SLC35F4: variants seen among roughly 807,000 people sequenced by gnomAD.
SLC35F4 encodes solute carrier family 35 member F4, also known as chromosome 14 open reading frame 36.
Under a neutral mutation model 44.2 loss-of-function variants are expected in SLC35F4, and 24 were observed. The ratio of observed to expected loss-of-function variants is 0.54; its 90% CI spans 0.39 to 0.76. The LOEUF is 0.76. Ranked by LOEUF, SLC35F4 falls within the 30% of genes least tolerant of loss-of-function variation. The probability of loss-of-function intolerance (pLI) is 0.00; values close to 1 mark genes in which losing one functional copy is unlikely to be tolerated. For missense variants in SLC35F4, 562 were observed against 586.1 expected (o/e 0.96, Z 0.42); for synonymous variants, 238 against 223.6 (o/e 1.06, Z -0.57).
chr14:57,782,702 T>C (rs954347063), intron 1 of SLC35F4, among the ~76,000 whole-genome samples: 2 of 152,188 alleles, frequency 1.3e-5, no homozygotes, highest in Non-Finnish European at 2.9e-5. Context: ...CGTAAGCAGT[T>C]TGTCCTCCAG....
At chr14:57,830,408 G>C (rs571891515) in intron 1 of SLC35F4, among the ~76,000 whole-genome samples, 1 of 152,212 alleles carries the variant, frequency 6.6e-6, no homozygotes, top group East Asian at 1.9e-4. Flanking sequence ...GATCTCCCTA[G>C]CTTCGGACAA....
rs199785589 is a variant in SLC35F4, at chr14:57,578,325, G to GTTTTTTTTTTTTTTTTTTTTTTTTT, written c.807+2864_807+2888dup. 1.6e-4 allele frequency among the ~76,000 whole-genome samples: 7 copies of GTTTTTTTTTTTTTTTTTTTTTTTTT among 43,166 alleles called. 3 individuals carry two copies. Among genetic ancestry groups the GTTTTTTTTTTTTTTTTTTTTTTTTT allele is most frequent in the Non-Finnish European group, 3.2e-4 (7 of 21,764 alleles). The allele number at this position is 43,166 out of a possible 152,430, so 28.3% of individuals were successfully genotyped here. On this transcript the variant is annotated intron_variant, in intron 4 of 7. Transcript: ENST00000556826. ...GATGACTGAAAGCATCCCTTTAACT[G>GTTTTTTTTTTTTTTTTTTTTTTTTT]TTTTTTTTTTTTTTTTTTTTTTTTT...
intron 1 of SLC35F4, among the ~76,000 whole-genome samples, chr14:57,720,397 G>A (rs1355736885): frequency 1.3e-5 from 2 of 152,116 alleles, no homozygotes; most frequent in Non-Finnish European, 2.9e-5. Flanking sequence ...AACTGTTTGA[G>A]TAGGATTAAT....
chr14:57,574,806 T>C (rs1305052000), intron 4 of SLC35F4, among the ~76,000 whole-genome samples: 2 of 152,186 alleles, frequency 1.3e-5, no homozygotes, highest in Non-Finnish European at 2.9e-5. Context: ...GTAAATACTC[T>C]TTAGATGTCT....
intron 1 of SLC35F4, among the ~76,000 whole-genome samples, chr14:57,636,746 T>C (rs1472998754): frequency 2.6e-5 from 4 of 152,100 alleles, no homozygotes; most frequent in African/African-American, 4.8e-5. Context: ...CTCTGCCAGA[T>C]AGACTTAGAC....
At chr14:57,848,146 C>T (rs1162506288) in intron 1 of SLC35F4, among the ~76,000 whole-genome samples, 2 of 152,130 alleles carry the variant, frequency 1.3e-5, no homozygotes, top group African/African-American at 4.8e-5. Context: ...TTCTCAAAGC[C>T]TGGAAATTGT....
chr14:57,846,679 G>T lies in SLC35F4; in HGVS notation c.103+19044C>A, dbSNP rs1849330240. Among the ~76,000 whole-genome samples, 3 of 152,106 alleles carry T rather than the reference G, an allele frequency of 2.0e-5. 1 individual carries two copies. In the South Asian group the frequency reaches 6.2e-4, roughly 32 times the overall value. ...ACTTTAGTAGCCAAGAATTTTTCTTGAATTAATATGGCTGATGGGAAACAA... is the reference window on the plus strand; with the variant it reads ...ACTTTAGTAGCCAAGAATTTTTCTTTAATTAATATGGCTGATGGGAAACAA... On this transcript the variant is annotated intron_variant, in intron 1 of 7. Transcript: ENST00000556826.
At chr14:57,976,344 A>T (rs1881216861), downstream of SLC35F4, among the ~76,000 whole-genome samples, 1 of 152,182 alleles carries the variant, frequency 6.6e-6, no homozygotes, top group South Asian at 2.1e-4. Flanking sequence ...TGATAAATGA[A>T]ATTCTGTTTA....
chr14:57,717,411 C>T (rs1481981067), intron 1 of SLC35F4, among the ~76,000 whole-genome samples: 2 of 152,056 alleles, frequency 1.3e-5, no homozygotes, highest in African/African-American at 2.4e-5. Context: ...CCGAGACAGG[C>T]GGATCACGAG....
chr14:57,786,803 C>T (rs1313006263), intron 1 of SLC35F4, among the ~76,000 whole-genome samples: 1 of 152,128 alleles, frequency 6.6e-6, no homozygotes, highest in Admixed American at 6.5e-5. Context: ...CAGAGCCTGC[C>T]CAAATGAGAA....
chr14:57,597,817 A>G (rs1377363316), intron 1 of SLC35F4, among the ~76,000 whole-genome samples: 1 of 152,188 alleles, frequency 6.6e-6, no homozygotes, highest in African/African-American at 2.4e-5. Flanking sequence ...TGAAATCTCA[A>G]TATACAAGAG....
chr14:57,607,320 C>A (rs1248149731), intron 1 of SLC35F4, among the ~76,000 whole-genome samples: 1 of 152,128 alleles, frequency 6.6e-6, no homozygotes, highest in Non-Finnish European at 1.5e-5. Flanking sequence ...GGAGGAGTAC[C>A]AGTCAGGAAC....
At chr14:57,601,119 T>G (rs1296335855) in intron 1 of SLC35F4, among the ~76,000 whole-genome samples, 16 of 152,084 alleles carry the variant, frequency 1.1e-4, no homozygotes, top group Admixed American at 9.8e-4. Flanking sequence ...TTAAAATAAC[T>G]TGGCTGTTGG....
rs188326267 is a variant in SLC35F4 at position 57,764,621 on chromosome 14, G to A, written c.103+101102C>T. ...CCAGGATTTTTAAAACCCTACATGG[G>A]TAAAAACAGAATAATATAGCATTTA... is the stretch of plus-strand genomic sequence containing the variant. On this transcript the variant is annotated intron_variant, in intron 1 of 7. Transcript: ENST00000556826. Among the ~76,000 whole-genome samples the A allele has an allele frequency of 1.9e-3, 286 of 152,256 alleles. 1 individual carries two copies. Among genetic ancestry groups the A allele is most frequent in the Non-Finnish European group, 3.1e-3 (211 of 67,998 alleles).
intron 3 of SLC35F4, 128 bp downstream of exon 3, chr14:57,589,088 T>A (rs1703441): frequency 0.61 from 615,316 of 1,010,020 alleles, 190,228 homozygotes; most frequent in East Asian, 0.88. Context: ...AGTGCTCGTC[T>A]CCAACCTTAG....
intron 1 of SLC35F4, among the ~76,000 whole-genome samples, chr14:57,753,891 C>T (rs2076939615): frequency 6.6e-6 from 1 of 152,018 alleles, no homozygotes; most frequent in Non-Finnish European, 1.5e-5. Flanking sequence ...TGTACCAGTT[C>T]TATATGATTG....
chr14:57,772,850 C>A (rs1283095798), intron 1 of SLC35F4, among the ~76,000 whole-genome samples: 2 of 152,088 alleles, frequency 1.3e-5, no homozygotes, highest in African/African-American at 2.4e-5. Flanking sequence ...ATAATGATTT[C>A]TTTTCCCTTA....
At chr14:57,685,249 C>T (rs746414637) in intron 1 of SLC35F4, among the ~76,000 whole-genome samples, 55 of 152,022 alleles carry the variant, frequency 3.6e-4, no homozygotes, top group Non-Finnish European at 6.8e-4. Context: ...GTGAGATTTG[C>T]ACTAACCAGC....
chr14:57,865,697 C>T lies in SLC35F4; in HGVS notation c.103+26G>A, dbSNP rs1009746577. 2.5e-5 allele frequency: 37 copies of T among 1,507,880 alleles called. No homozygotes were observed. The African/African-American group carries it at 3.8e-4, about 16-fold the overall frequency. 93.4% of individuals were successfully genotyped at this position (1,507,880 alleles called of 1,614,324 possible). The stretch of plus-strand genomic sequence containing the variant: ...GCGCCCACCTCCCTTCCCCGCCTCG[C>T]GCAGGGCAGCCGCGCGGCGTCTTAC... On this transcript the variant is annotated intron_variant, in intron 1 of 7. Coordinates refer to ENST00000556826, the MANE Select transcript of SLC35F4 (RefSeq NM_001306087.2).
Sources: allele counts gnomAD v4.1 joint callset (sites outside exome capture counted in the v4.1 genomes callset), GRCh38; gene constraint gnomAD v4.1.1; transcripts MANE v1.5; gene names NCBI Gene and HGNC (gene_info 2026-07-23, HGNC 2026-07-21).